Variants in FAM124A observed in about 807,000 individuals in gnomAD.
The protein encoded by FAM124A is protein FAM124A.
In FAM124A, 23 loss-of-function variants were observed where a neutral mutation model predicts 24.5. The observed-to-expected ratio is 0.94, with a 90% confidence interval of 0.68 to 1.33. The LOEUF is 1.33. Ranked by LOEUF, FAM124A falls within the 40% of genes most tolerant of loss-of-function variation. The pLI is 0.00. For synonymous variants in FAM124A, 287 were observed against 314.7 expected, an observed-to-expected ratio of 0.91 and a Z score of 0.93; for missense variants, 623 against 722.8, an observed-to-expected ratio of 0.86 and a Z score of 1.58.
intron 2 of FAM124A, among the ~76,000 whole-genome samples, chr13:51,246,636 G>A (rs964115925): frequency 3.3e-5 from 5 of 152,116 alleles, no homozygotes; most frequent in Non-Finnish European, 7.4e-5. Context: ...ATCCTGGCTC[G>A]CCTGCTCTTG....
chr13:51,242,389 AT>A (rs1397441486), intron 2 of FAM124A, among the ~76,000 whole-genome samples: 1 of 152,220 alleles, frequency 6.6e-6, no homozygotes, highest in Non-Finnish European at 1.5e-5. Flanking sequence ...AGCATGGTAC[AT>A]TGCTGGGTGT....
chr13:51,250,634 G>A (rs1954609895), intron 2 of FAM124A, among the ~76,000 whole-genome samples: 1 of 152,228 alleles, frequency 6.6e-6, no homozygotes, highest in Non-Finnish European at 1.5e-5. Flanking sequence ...GGGCTTCTGA[G>A]TGGATGTGGC....
chr13:51,280,645 G>C lies in FAM124A; in HGVS notation c.1030G>C (p.Ala344Pro). The C allele has an allele frequency of 6.2e-7, 1 of 1,614,012 alleles. No individual in the cohort carries two copies. The highest frequency in any genetic ancestry group is 8.5e-7 in the Non-Finnish European group (1 of 1,180,004). The change falls in exon 4 of 4, where the codon GCC (alanine) becomes CCC (proline). Residue 344 changes from alanine (A) to proline (P), a missense_variant. Physicochemically the swap from Ala to Pro is conservative, Grantham distance 27. Transcript: ENST00000322475. Reference protein sequence around the residue: ...GLPPGHQQEFAGRANSTPNPP... With the variant: ...GLPPGHQQEFPGRANSTPNPP... ...GCCTCCTGGGCACCAGCAGGAATTT[G>C]CCGGACGAGCCAACAGCACCCCCAA... is the stretch of plus-strand genomic sequence containing the variant.
In FAM124A at chr13:51,251,613, C is replaced by A. The variant is rs369389901; in HGVS notation, c.246C>A (p.Ser82=). Residue 82 remains serine, a synonymous_variant, in exon 3 of 4, where the codon TCC becomes TCA. Transcript: ENST00000322475. This position sits in a 1 kb window ranked among gnomAD's most constrained non-coding sequence, Gnocchi z 5.3. ...IHPDLPLFRV[S]ERRASRRRRK... is the part of the protein sequence containing the mutation. ...CCGACCTCCCGCTGTTCCGGGTGTC[C>A]GAGAGGCGGGCGTCCCGGCGGCGGC... 5.1e-6 allele frequency: 8 copies of A among 1,573,474 alleles called. No individual in the cohort carries two copies. The South Asian group carries it at 8.3e-5, about 16-fold the overall frequency.
intron 2 of FAM124A, among the ~76,000 whole-genome samples, chr13:51,240,758 T>C (rs578022956): frequency 7.9e-4 from 121 of 152,326 alleles, no homozygotes; most frequent in Admixed American, 7.2e-3. Flanking sequence ...TTCTCTATAA[T>C]TGAGCTGAAC....
chr13:51,244,126 G>A (rs1040902049), intron 2 of FAM124A, among the ~76,000 whole-genome samples: 1 of 152,292 alleles, frequency 6.6e-6, no homozygotes, highest in South Asian at 2.1e-4. Context: ...TGGCCTCGTC[G>A]GGGATTACTG....
At chr13:51,264,017 A>G (rs1335590407) in intron 3 of FAM124A, among the ~76,000 whole-genome samples, 1 of 152,206 alleles carries the variant, frequency 6.6e-6, no homozygotes, top group African/African-American at 2.4e-5. Flanking sequence ...AAATAACAGT[A>G]AATGGCCTTC....
chr13:51,234,315 T>C lies in FAM124A; in HGVS notation c.100+2936T>C, dbSNP rs547328094. On this transcript the variant is annotated intron_variant, in intron 2 of 3. Coordinates refer to ENST00000322475, the MANE Select transcript of FAM124A (RefSeq NM_001242312.2). ...TTGTCCACAGCTGAGTTTCCATTAC[T>C]AGGGATTGTAATGAGACCTCCCTCC... Among the ~76,000 whole-genome samples, 5 of 152,324 alleles carry C rather than the reference T, an allele frequency of 3.3e-5. No homozygotes were observed. In the East Asian group the frequency reaches 9.6e-4, roughly 29 times the overall value.
intron 2 of FAM124A, among the ~76,000 whole-genome samples, chr13:51,234,051 C>T (rs1954408735): frequency 6.6e-6 from 1 of 152,226 alleles, no homozygotes; most frequent in East Asian, 1.9e-4. Context: ...ATCTCATTGT[C>T]ATTCTGCCAC....
chr13:51,275,873 T>C (rs1954881479), intron 3 of FAM124A, among the ~76,000 whole-genome samples: 1 of 152,136 alleles, frequency 6.6e-6, no homozygotes. Context: ...CCTGGGAATA[T>C]ACCCAAGAGA....
chr13:51,277,561 G>A lies in FAM124A; in HGVS notation c.835-2889G>A, dbSNP rs572773649. Among the ~76,000 whole-genome samples the A allele has an allele frequency of 6.9e-4, 105 of 152,350 alleles. 1 individual carries two copies. The highest frequency in any genetic ancestry group is 2.0e-3 in the African/African-American group (82 of 41,580). ...TGTAATCCCAGCACTTTGGGAGGCC[G>A]AGGCGGGTGGACCACGAGGTCAGAA... is the stretch of plus-strand genomic sequence containing the variant. On this transcript the variant is annotated intron_variant, in intron 3 of 3. Transcript: ENST00000322475.
intron 2 of FAM124A, among the ~76,000 whole-genome samples, chr13:51,239,492 A>G (rs1334733620): frequency 6.6e-6 from 1 of 152,202 alleles, no homozygotes; most frequent in Non-Finnish European, 1.5e-5. Flanking sequence ...CATCTCTATA[A>G]TAGTTTGACT....
At chr13:51,252,467 T>C (rs955053023) in intron 3 of FAM124A, 7 of 527,684 alleles carry the variant, frequency 1.3e-5, no homozygotes, top group African/African-American at 1.1e-4. Context: ...TCCTCCCCTA[T>C]TGGGCATCCA....
Position 51,222,500 on chromosome 13 carries a change from C to T in FAM124A, c.-2C>T. The T allele has an allele frequency of 1.6e-6, 2 of 1,226,070 alleles. No individual in the cohort carries two copies. Among genetic ancestry groups the T allele is most frequent in the Non-Finnish European group, 2.0e-6 (2 of 986,006 alleles). The allele number at this position is 1,226,070 out of a possible 1,614,324, so 75.9% of individuals were successfully genotyped here. A position where few individuals can be genotyped will look rare whatever the true frequency, so the allele number is the denominator to read the frequency against. On this transcript the variant is annotated 5_prime_UTR_variant, in exon 1 of 4. Coordinates refer to ENST00000322475, the MANE Select transcript of FAM124A (RefSeq NM_001242312.2). ...AAGCCGAGCGCGGCCGGGACGTGCA[C>T]CATGGACCCAAAGGCGGGCGGCGGC...
intron 1 of FAM124A, among the ~76,000 whole-genome samples, chr13:51,225,976 C>CTTGTTTTTTT (rs1954311742): frequency 1.5e-5 from 1 of 67,566 alleles, no homozygotes; most frequent in Admixed American, 2.2e-4. Flanking sequence ...TGCTTGCTTT[C>CTTGTTTTTTT]TTTTTTTTTT....
At chr13:51,280,116 T>C (rs911559667) in intron 3 of FAM124A, among the ~76,000 whole-genome samples, 1 of 152,240 alleles carries the variant, frequency 6.6e-6, no homozygotes, top group African/African-American at 2.4e-5. Flanking sequence ...GTGATAATTC[T>C]TATCTCCGTT....
intron 1 of FAM124A, among the ~76,000 whole-genome samples, chr13:51,230,518 T>C (rs921342125): frequency 2.0e-5 from 3 of 152,232 alleles, no homozygotes; most frequent in African/African-American, 7.2e-5. Flanking sequence ...AAGTGATTAA[T>C]TTCCTACTGA....
At chr13:51,263,841 T>C (rs1390382099) in intron 3 of FAM124A, among the ~76,000 whole-genome samples, 1 of 152,202 alleles carries the variant, frequency 6.6e-6, no homozygotes, top group Non-Finnish European at 1.5e-5. Context: ...AAAGTAAATA[T>C]AGCAAGGGCA....
chr13:51,228,354 TAAC>T (rs1288824189), intron 1 of FAM124A, among the ~76,000 whole-genome samples: 5 of 152,234 alleles, frequency 3.3e-5, no homozygotes, highest in Non-Finnish European at 7.3e-5. Flanking sequence ...GGACTGCATC[TAAC>T]TTTCTGTTCA....
Sources: gnomAD v4.1 joint callset for allele counts (sites outside exome capture counted in the v4.1 genomes callset) on GRCh38, gnomAD v4.1.1 for gene constraint, Gnocchi (gnomAD v3.1) non-coding constraint, MANE v1.5 for transcripts, NCBI Gene and HGNC (gene_info 2026-07-23, HGNC 2026-07-21) for gene names.